The following DNAJC27 variants were observed in gnomAD, a reference collection of about 807,000 sequenced individuals.
DNAJC27 encodes the protein DnaJ heat shock protein family (Hsp40) member C27.
A neutral mutation model predicts 31.4 loss-of-function variants in DNAJC27; 25 were observed. The ratio of observed to expected loss-of-function variants is 0.80; its 90% CI spans 0.58 to 1.11. The LOEUF (loss-of-function observed/expected upper bound fraction) is 1.11. Ranked by LOEUF, DNAJC27 falls within the 50% of genes most tolerant of loss-of-function variation. The probability of loss-of-function intolerance (pLI) is 0.00; values close to 1 mark genes in which losing one functional copy is unlikely to be tolerated. For missense variants in DNAJC27, 356 were observed against 347.3 expected (o/e 1.02, Z -0.20); for synonymous variants, 106 against 112.7 (o/e 0.94, Z 0.37).
chr2:24,957,795 T>A lies in DNAJC27; in HGVS notation c.405+15A>T, dbSNP rs1237629744. 2 of 1,612,260 alleles carry A rather than the reference T, an allele frequency of 1.2e-6. No homozygotes were observed. On this transcript the variant is annotated intron_variant, in intron 4 of 6. Transcript: ENST00000264711. ...TTCCCTAGAAATCTGAACACACCAT[T>A]TCCAGAGGGGTTACCTTGTTGGCAC...
At chr2:24,957,317 CA>C (rs1665931358) in intron 4 of DNAJC27, 152 bp from the exon 5 acceptor site, 1 of 832,178 alleles carries the variant, frequency 1.2e-6, no homozygotes, top group African/African-American at 1.8e-5. Flanking sequence ...ACCAAAGGGA[CA>C]GAAACAAAAC....
chr2:24,946,406 A>AT lies in DNAJC27; in HGVS notation c.*1209dup, dbSNP rs1475618297. On this transcript the variant is annotated 3_prime_UTR_variant, in exon 7 of 7. Coordinates refer to ENST00000264711, the MANE Select transcript of DNAJC27 (RefSeq NM_016544.3). ...AAGCCAGGGACTCTAGAGGAGAGAA[A>AT]TGATGGCAGATGTGGGGTTCAGAAA... is the stretch of plus-strand genomic sequence containing the variant. The AT allele has an allele frequency of 1.6e-4, 25 of 152,366 alleles. No homozygotes were observed. The highest frequency in any genetic ancestry group is 5.8e-4 in the African/African-American group (24 of 41,464). 9.4% of individuals were successfully genotyped at this position (152,366 alleles called of 1,614,324 possible).
chr2:24,966,425 T>A (rs539444572), intron 2 of DNAJC27, among the ~76,000 whole-genome samples: 5 of 152,208 alleles, frequency 3.3e-5, no homozygotes, highest in African/African-American at 1.2e-4. Context: ...TCCAGATAAA[T>A]CCCCAATTGG....
chr2:24,960,456 G>A (rs1414633276), intron 3 of DNAJC27, among the ~76,000 whole-genome samples: 3 of 152,180 alleles, frequency 2.0e-5, no homozygotes, highest in Admixed American at 6.5e-5. Context: ...GAAGAGTCAT[G>A]TATCTCTCAT....
chr2:24,970,217 C>T (rs185678650), intron 1 of DNAJC27, among the ~76,000 whole-genome samples: 1 of 152,124 alleles, frequency 6.6e-6, no homozygotes, highest in Admixed American at 6.5e-5. Context: ...AATAATTTTG[C>T]TTTATTGAAT....
chr2:24,970,460 CTTTTTTTTTTTTT>C (rs35742187), intron 1 of DNAJC27, among the ~76,000 whole-genome samples: 2 of 120,122 alleles, frequency 1.7e-5, no homozygotes, highest in Non-Finnish European at 3.5e-5. Flanking sequence ...AGTAAAATTA[CTTTTTTTTTTTTT>C]TTTTTTTTTG....
At chr2:24,967,027 A>AGGCT (rs1368932711) in intron 2 of DNAJC27, among the ~76,000 whole-genome samples, 184 bp downstream of exon 2, 2 of 152,254 alleles carry the variant, frequency 1.3e-5, no homozygotes, top group Non-Finnish European at 2.9e-5. Context: ...ACCAATACAC[A>AGGCT]GGCTGAATGA....
At position 24,946,360 on chromosome 2, in the gene DNAJC27, G is replaced by A. The variant is rs1665651513; in HGVS notation, c.*1256C>T. Reference sequence around the variant, plus strand: ...ACCAGATTCAGGCCAAGGCTTAGAAGAGGGAGGAGGCAGTGGCCAGAAGCC... The same window carrying A: ...ACCAGATTCAGGCCAAGGCTTAGAAAAGGGAGGAGGCAGTGGCCAGAAGCC... On this transcript the variant is annotated 3_prime_UTR_variant, in exon 7 of 7. Transcript: ENST00000264711. 6.6e-6 allele frequency: 1 copy of A among 152,322 alleles called. No individual in the cohort carries two copies. The allele number at this position is 152,322 out of a possible 1,614,324, so 9.4% of individuals were successfully genotyped here.
At chr2:24,957,729 T>G (rs1422874767) in intron 4 of DNAJC27, 81 bp downstream of exon 4, 1 of 1,319,046 alleles carries the variant, frequency 7.6e-7, no homozygotes. Flanking sequence ...ATAAGGAATT[T>G]TTCTTTTCTT....
At chr2:24,962,207 AC>A (rs1666057881) in intron 3 of DNAJC27, among the ~76,000 whole-genome samples, 7 of 82,456 alleles carry the variant, frequency 8.5e-5, no homozygotes, top group African/African-American at 2.9e-4. Flanking sequence ...TAAACAACAT[AC>A]TTTTTTTCTT....
At chr2:24,948,456 A>C (rs1665695346) in intron 6 of DNAJC27, among the ~76,000 whole-genome samples, 1 of 152,212 alleles carries the variant, frequency 6.6e-6, no homozygotes, top group African/African-American at 2.4e-5. Flanking sequence ...TCCAGGGTCA[A>C]GGTCACGAGG....
chr2:24,952,145 G>A (rs1665792130), intron 5 of DNAJC27, among the ~76,000 whole-genome samples: 1 of 152,032 alleles, frequency 6.6e-6, no homozygotes, highest in African/African-American at 2.4e-5. Context: ...AACAACAAAA[G>A]TAATGATGAA....
Position 24,947,611 on chromosome 2 carries a change from A to C in DNAJC27, c.*5T>G. On this transcript the variant is annotated 3_prime_UTR_variant, in exon 7 of 7. Transcript: ENST00000264711. ...AGTCCCACATGTGGCTTTTTTCTGTACTTTCTACTTGATGTTTTTCAGGAG... is the reference window on the plus strand; with the variant it reads ...AGTCCCACATGTGGCTTTTTTCTGTCCTTTCTACTTGATGTTTTTCAGGAG... 1 of 1,599,412 alleles carries C rather than the reference A, an allele frequency of 6.3e-7. No individual in the cohort carries two copies. The highest frequency in any genetic ancestry group is 8.6e-7 in the Non-Finnish European group (1 of 1,169,098).
At position 24,963,107 on chromosome 2, in the gene DNAJC27, T is replaced by A. The variant is rs10190669; in HGVS notation, c.240+298A>T. 5.1e-3 allele frequency: 1,547 copies of A among 303,246 alleles called. 11 individuals are homozygous for A. Among genetic ancestry groups the A allele is most frequent in the African/African-American group, 0.023 (1,071 of 46,596 alleles). 18.8% of individuals were successfully genotyped at this position (303,246 alleles called of 1,614,324 possible). Reference sequence around the variant, plus strand: ...AAGCCCAAGCATAAATGTAATTATTTTTTTTTTCACATTTTAGGCTAAAGT... The same window carrying A: ...AAGCCCAAGCATAAATGTAATTATTATTTTTTTCACATTTTAGGCTAAAGT... On this transcript the variant is annotated intron_variant, in intron 3 of 6. Coordinates refer to ENST00000264711, the MANE Select transcript of DNAJC27 (RefSeq NM_016544.3).
At chr2:24,955,765 G>A (rs1481095408) in intron 5 of DNAJC27, among the ~76,000 whole-genome samples, 1 of 152,168 alleles carries the variant, frequency 6.6e-6, no homozygotes, top group Non-Finnish European at 1.5e-5. Context: ...GGCCAGAAGA[G>A]AATGGACCAG....
chr2:24,964,517 GGA>G (rs1407650654), intron 2 of DNAJC27, among the ~76,000 whole-genome samples: 7 of 152,080 alleles, frequency 4.6e-5, no homozygotes, highest in African/African-American at 1.7e-4. Context: ...AGGTAGAGAG[GGA>G]GAGAGATGTA....
chr2:24,962,341 A>G (rs1573115299), intron 3 of DNAJC27, among the ~76,000 whole-genome samples: 3 of 151,854 alleles, frequency 2.0e-5, no homozygotes, highest in Admixed American at 2.0e-4. Flanking sequence ...GATCCCTGCA[A>G]CCTCCGCCTG....
At chr2:24,955,591 G>C (rs1426552950) in intron 5 of DNAJC27, among the ~76,000 whole-genome samples, 1 of 152,044 alleles carries the variant, frequency 6.6e-6, no homozygotes, top group African/African-American at 2.4e-5. Flanking sequence ...ATCCTAAATA[G>C]AATAAAAATG....
At chr2:24,952,693 T>C (rs1038820953) in intron 5 of DNAJC27, among the ~76,000 whole-genome samples, 3 of 151,996 alleles carry the variant, frequency 2.0e-5, no homozygotes, top group Non-Finnish European at 4.4e-5. Context: ...AAAAAAAAGC[T>C]GTACCAGTTT....
Sources: allele counts gnomAD v4.1 joint callset (sites outside exome capture counted in the v4.1 genomes callset), GRCh38; gene constraint gnomAD v4.1.1; transcripts MANE v1.5; gene names NCBI Gene and HGNC (gene_info 2026-07-23, HGNC 2026-07-21).